ARHGAP25: variants seen among roughly 807,000 people sequenced by gnomAD.
ARHGAP25 encodes rho GTPase-activating protein 25.
In ARHGAP25, 34 loss-of-function variants were observed where a neutral mutation model predicts 71.0. The observed-to-expected ratio is 0.48, with a 90% CI of 0.36 to 0.64. ARHGAP25 has a LOEUF of 0.64. Among genes scored for constraint, ARHGAP25 ranks in the 30% least tolerant of loss-of-function variants. The pLI, the probability that ARHGAP25 is intolerant of heterozygous loss-of-function variation, is 0.00. For synonymous variants in ARHGAP25, 282 were observed against 296.5 expected (o/e 0.95, Z 0.50); for missense variants, 706 against 805.1 (o/e 0.88, Z 1.49).
chr2:68,816,568 C>T (rs990479585), intron 7 of ARHGAP25: 1 of 559,684 alleles, frequency 1.8e-6, no homozygotes, highest in Non-Finnish European at 3.2e-6. Flanking sequence ...TGAACGTGCT[C>T]CCCCATTTAG....
At chr2:68,780,692 C>A (rs573848199) in intron 2 of ARHGAP25, among the ~76,000 whole-genome samples, 1 of 151,764 alleles carries the variant, frequency 6.6e-6, no homozygotes, top group East Asian at 1.9e-4. Context: ...CTGTTCCTTC[C>A]CCTCCTCCTC....
At chr2:68,776,413 G>A (rs1677925780) in intron 2 of ARHGAP25, among the ~76,000 whole-genome samples, 1 of 152,332 alleles carries the variant, frequency 6.6e-6, no homozygotes, top group East Asian at 1.9e-4. Context: ...CAAAAATAGA[G>A]CCAGAGGAGA....
intron 1 of ARHGAP25, among the ~76,000 whole-genome samples, chr2:68,766,429 T>G (rs1399655243): frequency 1.3e-5 from 2 of 152,192 alleles, no homozygotes; most frequent in South Asian, 4.1e-4. Context: ...TTCTTGTTAT[T>G]ACACGTGGCT....
intron 2 of ARHGAP25, among the ~76,000 whole-genome samples, chr2:68,719,229 A>G (rs371887423): frequency 6.6e-5 from 10 of 152,148 alleles, no homozygotes; most frequent in African/African-American, 2.2e-4. Flanking sequence ...GGAGAGGGTC[A>G]TGGGAGCCCC....
At chr2:68,799,817 G>T (rs1311766996) in intron 4 of ARHGAP25, among the ~76,000 whole-genome samples, 1 of 152,202 alleles carries the variant, frequency 6.6e-6, no homozygotes, top group Non-Finnish European at 1.5e-5. Context: ...GTCAGAACCT[G>T]AGCAGTATTT....
rs778584212 is a variant in ARHGAP25 at position 68,775,281 on chromosome 2, C to T, written c.122C>T (p.Pro41Leu). Residue 41 changes from proline to leucine, a missense_variant, in exon 2 of 11, where the codon CCC becomes CTC. Pro to Leu is a moderately conservative substitution (Grantham distance 98, BLOSUM62 -3). Coordinates refer to ENST00000409202, the MANE Select transcript of ARHGAP25 (RefSeq NM_001007231.3). ...GCTGCCTTCCATCCATCGTCCACCC[C>T]CAACCCGCTGGAGAGGCCCATCAAG... The part of the protein sequence containing the change: ...QMAAFHPSST[P>L]NPLERPIKMG... The T allele has an allele frequency of 1.2e-6, 2 of 1,614,130 alleles. No individual in the cohort carries two copies. Among genetic ancestry groups the T allele is most frequent in the African/African-American group, 1.3e-5 (1 of 74,942 alleles).
At chr2:68,816,218 G>C (rs1296721054) in intron 6 of ARHGAP25, 71 bp from the exon 7 acceptor site, 1 of 1,281,352 alleles carries the variant, frequency 7.8e-7, no homozygotes, top group South Asian at 1.2e-5. Flanking sequence ...TTCTGTCCCA[G>C]GGTCTCCTTG....
At chr2:68,789,580 G>A (rs1176962184) in intron 4 of ARHGAP25, among the ~76,000 whole-genome samples, 4 of 152,118 alleles carry the variant, frequency 2.6e-5, no homozygotes, top group Non-Finnish European at 5.9e-5. Context: ...TAGGCCACAT[G>A]CTGGAAAATC....
At chr2:68,811,264 T>A (rs1348457740) in intron 5 of ARHGAP25, among the ~76,000 whole-genome samples, 1 of 152,046 alleles carries the variant, frequency 6.6e-6, no homozygotes, top group Non-Finnish European at 1.5e-5. Flanking sequence ...ACTGATTGGA[T>A]GGGGGTGAAG....
chr2:68,716,168 A>G (rs971675603), intron 2 of ARHGAP25, among the ~76,000 whole-genome samples: 3 of 152,264 alleles, frequency 2.0e-5, no homozygotes, highest in Admixed American at 2.0e-4. Flanking sequence ...CATTCTTCCT[A>G]TCTTCCTTAC....
chr2:68,820,344 A>G (rs1207463738), intron 9 of ARHGAP25, among the ~76,000 whole-genome samples: 2 of 152,172 alleles, frequency 1.3e-5, no homozygotes, highest in African/African-American at 4.8e-5. Flanking sequence ...AGAATTTATC[A>G]TTCGTATTGT....
chr2:68,826,604 G>A lies in ARHGAP25; in HGVS notation c.*410G>A. 1 of 326,678 alleles carries A rather than the reference G, an allele frequency of 3.1e-6. No homozygotes were observed. Among genetic ancestry groups the A allele is most frequent in the Non-Finnish European group, 6.0e-6 (1 of 167,126 alleles). 20.2% of individuals were successfully genotyped at this position (326,678 alleles called of 1,614,324 possible). A position where few individuals can be genotyped will look rare whatever the true frequency, so the allele number is the denominator to read the frequency against. On this transcript the variant is annotated 3_prime_UTR_variant, in exon 11 of 11. Transcript: ENST00000409202. ...AGCCTCAGGGCATCTCTGAGACACAGGGGCAGAAAATGACATTCATCTTTT... is the reference window on the plus strand; with the variant it reads ...AGCCTCAGGGCATCTCTGAGACACAAGGGCAGAAAATGACATTCATCTTTT...
chr2:68,774,275 C>T (rs1010632172), intron 1 of ARHGAP25, among the ~76,000 whole-genome samples: 1 of 152,000 alleles, frequency 6.6e-6, no homozygotes, highest in African/African-American at 2.4e-5. Flanking sequence ...GAATGGGGAC[C>T]AGGGTGATCG....
intron 1 of ARHGAP25, among the ~76,000 whole-genome samples, chr2:68,754,647 A>G (rs949935700): frequency 6.6e-6 from 1 of 152,226 alleles, no homozygotes; most frequent in African/African-American, 2.4e-5. Flanking sequence ...TAACTTTATA[A>G]GAAGCTACCA....
At chr2:68,747,162 A>G (rs1675882500) in intron 1 of ARHGAP25, among the ~76,000 whole-genome samples, 1 of 152,076 alleles carries the variant, frequency 6.6e-6, no homozygotes, top group South Asian at 2.1e-4. Context: ...CATTTGACAC[A>G]ATCAGGCATT....
In ARHGAP25 at chr2:68,785,320, G is replaced by C. The variant is rs144948196; in HGVS notation, c.350-2520G>C. Among the ~76,000 whole-genome samples the C allele has an allele frequency of 4.4e-3, 664 of 152,338 alleles. 4 individuals are homozygous for C. The highest frequency in any genetic ancestry group is 0.014 in the Middle Eastern group (4 of 294). ...AGTGGGGGCAAGGGCAGAACAAGGA[G>C]ATCAGTGAGGAGGCTTTTGCAAGAA... On this transcript the variant is annotated intron_variant, in intron 3 of 10. Coordinates refer to ENST00000409202, the MANE Select transcript of ARHGAP25 (RefSeq NM_001007231.3).
Position 68,822,324 on chromosome 2 carries a change from G to A in ARHGAP25, c.1201-16G>A. On this transcript the variant is annotated splice_polypyrimidine_tract_variant and intron_variant, in intron 9 of 10. Coordinates refer to ENST00000409202, the MANE Select transcript of ARHGAP25 (RefSeq NM_001007231.3). ...GTGAAAACCCCATGTGACATCCATG[G>A]CCATTTCTTTTCTAGACAAGCGACT... The A allele has an allele frequency of 2.5e-6, 4 of 1,606,658 alleles. No individual in the cohort carries two copies. The highest frequency in any genetic ancestry group is 3.4e-6 in the Non-Finnish European group (4 of 1,176,130).
chr2:68,808,477 T>G lies in ARHGAP25; in HGVS notation c.674+997T>G, dbSNP rs147307271. 5.2e-3 allele frequency among the ~76,000 whole-genome samples: 785 copies of G among 152,316 alleles called. 5 individuals are homozygous for G. Among genetic ancestry groups the G allele is most frequent in the African/African-American group, 0.018 (730 of 41,564 alleles). On this transcript the variant is annotated intron_variant, in intron 5 of 10. Transcript: ENST00000409202. Reference sequence around the variant, plus strand: ...CTTCTCTGAGGTCTATATGTTTCTCTCCATGCTTATGGCCACAGTTGTAGT... The same window carrying G: ...CTTCTCTGAGGTCTATATGTTTCTCGCCATGCTTATGGCCACAGTTGTAGT...
At chr2:68,814,973 A>T (rs1681094793) in intron 6 of ARHGAP25, among the ~76,000 whole-genome samples, 1 of 152,226 alleles carries the variant, frequency 6.6e-6, no homozygotes, top group African/African-American at 2.4e-5. Context: ...ATAAAATTTT[A>T]TGGAATAAGG....
Sources: gnomAD v4.1 joint callset for allele counts (sites outside exome capture counted in the v4.1 genomes callset) on GRCh38, gnomAD v4.1.1 for gene constraint, MANE v1.5 for transcripts, NCBI Gene and HGNC (gene_info 2026-07-23, HGNC 2026-07-21) for gene names.